The following SLC35F4 variants were observed in gnomAD, a reference collection of about 807,000 sequenced individuals.
SLC35F4 encodes the protein solute carrier family 35 member F4.
In SLC35F4, 24 loss-of-function variants were observed where a neutral mutation model predicts 44.2. The ratio of observed to expected loss-of-function variants is 0.54; its 90% confidence interval spans 0.39 to 0.76. The LOEUF is 0.76. Among genes scored for constraint, SLC35F4 ranks in the 30% least tolerant of loss-of-function variants. The pLI, the probability that SLC35F4 is intolerant of heterozygous loss-of-function variation, is 0.00. For synonymous variants in SLC35F4, 238 were observed against 223.6 expected, an observed-to-expected ratio of 1.06 and a Z score of -0.57; for missense variants, 562 against 586.1, an observed-to-expected ratio of 0.96 and a Z score of 0.42.
At chr14:57,564,521 G>C in intron 7 of SLC35F4, 145 bp from the exon 8 acceptor site, 2 of 1,194,248 alleles carry the variant, frequency 1.7e-6, no homozygotes, top group Non-Finnish European at 2.3e-6. Flanking sequence ...CACATTGCTA[G>C]GTTTGCTTTC....
chr14:57,919,538 A>G (rs1385823492), intron 1 of SLC35F4, among the ~76,000 whole-genome samples: 1 of 152,202 alleles, frequency 6.6e-6, no homozygotes, highest in Admixed American at 6.5e-5. Flanking sequence ...AGCGGGGAAG[A>G]AAAAGCAGCT....
At chr14:57,735,346 C>T (rs1032148235) in intron 1 of SLC35F4, among the ~76,000 whole-genome samples, 3 of 152,200 alleles carry the variant, frequency 2.0e-5, no homozygotes, top group East Asian at 1.9e-4. Flanking sequence ...TGGCTTCAAA[C>T]GATGCTTTGT....
At chr14:57,709,305 C>T (rs957884157) in intron 1 of SLC35F4, among the ~76,000 whole-genome samples, 1 of 152,188 alleles carries the variant, frequency 6.6e-6, no homozygotes, top group Non-Finnish European at 1.5e-5. Flanking sequence ...CCAAGGAGCC[C>T]TCTGGTGGCA....
At chr14:57,855,755 C>A (rs1458314619) in intron 1 of SLC35F4, among the ~76,000 whole-genome samples, 2 of 152,124 alleles carry the variant, frequency 1.3e-5, no homozygotes, top group African/African-American at 4.8e-5. Context: ...TTTATTGTGG[C>A]ACTATGCACA....
intron 1 of SLC35F4, among the ~76,000 whole-genome samples, chr14:57,894,107 T>C (rs1190794634): frequency 6.6e-6 from 1 of 152,112 alleles, no homozygotes; most frequent in African/African-American, 2.4e-5. Flanking sequence ...TTTATACAAT[T>C]ATACTCCTAT....
intron 1 of SLC35F4, among the ~76,000 whole-genome samples, chr14:57,813,801 ACAGGCAGGGCTGGCT>A (rs1349141341): frequency 6.6e-6 from 1 of 152,138 alleles, no homozygotes; most frequent in African/African-American, 2.4e-5. Flanking sequence ...AATCACAGAG[ACAGGCAGGGCTGGCT>A]CAGCCGCAGG....
At chr14:57,725,257 G>A (rs1594891747) in intron 1 of SLC35F4, among the ~76,000 whole-genome samples, 1 of 152,130 alleles carries the variant, frequency 6.6e-6, no homozygotes, top group Non-Finnish European at 1.5e-5. Context: ...TCAGCAACAT[G>A]GACTTCCACT....
chr14:57,923,120 TAAG>T (rs1170850555), intron 1 of SLC35F4, among the ~76,000 whole-genome samples: 1 of 152,228 alleles, frequency 6.6e-6, no homozygotes, highest in East Asian at 1.9e-4. Flanking sequence ...ATGCATCTAA[TAAG>T]AAAAGGCTCT....
chr14:57,671,847 A>T (rs1264138757), intron 1 of SLC35F4, among the ~76,000 whole-genome samples: 4 of 152,130 alleles, frequency 2.6e-5, no homozygotes, highest in African/African-American at 4.8e-5. Context: ...CAAGCCCATT[A>T]TAGTTGACAC....
chr14:57,729,426 G>A (rs926073684), intron 1 of SLC35F4, among the ~76,000 whole-genome samples: 1 of 152,174 alleles, frequency 6.6e-6, no homozygotes, highest in East Asian at 1.9e-4. Context: ...AGCTATTCAG[G>A]AACCAAGGGC....
At chr14:57,894,009 A>G (rs1339591203) in intron 1 of SLC35F4, among the ~76,000 whole-genome samples, 1 of 152,158 alleles carries the variant, frequency 6.6e-6, no homozygotes, top group Non-Finnish European at 1.5e-5. Flanking sequence ...CCTGAAGTAC[A>G]GTTAGATCAC....
intron 1 of SLC35F4, among the ~76,000 whole-genome samples, chr14:57,780,713 G>A (rs1488207851): frequency 2.6e-5 from 4 of 152,052 alleles, no homozygotes; most frequent in Non-Finnish European, 5.9e-5. Context: ...AACTAAAACA[G>A]CATGGTACTG....
intron 1 of SLC35F4, among the ~76,000 whole-genome samples, chr14:57,745,844 T>C (rs1036269508): frequency 1.3e-5 from 2 of 152,134 alleles, no homozygotes; most frequent in African/African-American, 4.8e-5. Context: ...CAAATGTCCA[T>C]CAATGATAGA....
intron 1 of SLC35F4, among the ~76,000 whole-genome samples, chr14:57,724,762 C>G (rs2076163101): frequency 6.6e-6 from 1 of 152,174 alleles, no homozygotes; most frequent in South Asian, 2.1e-4. Context: ...TATGCAGGCA[C>G]CACTCGGAAG....
At chr14:57,967,989 T>C (rs1880933988) in intron 1 of SLC35F4, among the ~76,000 whole-genome samples, 1 of 152,214 alleles carries the variant, frequency 6.6e-6, no homozygotes, top group Admixed American at 6.5e-5. Context: ...CTTAGTCTGT[T>C]TTCTAAGAAA....
intron 1 of SLC35F4, among the ~76,000 whole-genome samples, chr14:57,875,341 T>C (rs1048341761): frequency 6.6e-5 from 10 of 152,242 alleles, no homozygotes; most frequent in Non-Finnish European, 1.0e-4. Flanking sequence ...TAGGACTTAC[T>C]ACCACGGCAG....
At chr14:57,738,895 T>C (rs2076535296) in intron 1 of SLC35F4, among the ~76,000 whole-genome samples, 1 of 150,708 alleles carries the variant, frequency 6.6e-6, no homozygotes, top group Admixed American at 6.6e-5. Flanking sequence ...CATCCTACTG[T>C]CAAAAATGTG....
intron 1 of SLC35F4, among the ~76,000 whole-genome samples, chr14:57,776,691 T>TAAAAAAAAAAAAAAAAAAA (rs2077498893): frequency 1.1e-4 from 14 of 126,586 alleles, no homozygotes; most frequent in African/African-American, 4.3e-4. Flanking sequence ...AAAAAAAAAT[T>TAAAAAAAAAAAAAAAAAAA]AAAGGCAGCT....
chr14:57,684,156 C>T (rs934659174), intron 1 of SLC35F4, among the ~76,000 whole-genome samples: 3 of 152,124 alleles, frequency 2.0e-5, no homozygotes, highest in Non-Finnish European at 2.9e-5. Flanking sequence ...CTTTCATACC[C>T]TCCCAGTGCC....
Sources: gnomAD v4.1 joint callset for allele counts (sites outside exome capture counted in the v4.1 genomes callset) on GRCh38, gnomAD v4.1.1 for gene constraint, MANE v1.5 for transcripts, NCBI Gene and HGNC (gene_info 2026-07-23, HGNC 2026-07-21) for gene names.